Variants in FAM227A observed in about 807,000 individuals in gnomAD.
The protein encoded by FAM227A is family with sequence similarity 227 member A.
FAM227A carries 80 observed loss-of-function variants against 74.7 expected under a neutral mutation model. The ratio of observed to expected loss-of-function variants is 1.07; its 90% CI spans 0.89 to 1.29. FAM227A has a LOEUF of 1.29. FAM227A is among the 50% of genes most tolerant of loss of function. FAM227A has a pLI of 0.00. For synonymous variants in FAM227A, 237 were observed against 241.8 expected (o/e 0.98, Z 0.19); for missense variants, 654 against 683.4 (o/e 0.96, Z 0.48).
At chr22:38,600,707 C>T (rs978048087) in intron 13 of FAM227A, among the ~76,000 whole-genome samples, 2 of 151,804 alleles carry the variant, frequency 1.3e-5, no homozygotes, top group African/African-American at 4.8e-5. Context: ...CCTGTAATCC[C>T]AGCACTTTGG....
chr22:38,596,819 T>C (rs767715593), intron 15 of FAM227A, among the ~76,000 whole-genome samples: 136 of 151,812 alleles, frequency 9.0e-4, no homozygotes, highest in Non-Finnish European at 9.1e-4. Flanking sequence ...TGGGAAAAAA[T>C]AGGTCTAAAA....
intron 6 of FAM227A, among the ~76,000 whole-genome samples, chr22:38,634,683 C>T (rs2091970798): frequency 1.3e-5 from 2 of 152,102 alleles, no homozygotes; most frequent in South Asian, 4.1e-4. Context: ...CTGTAGGGAA[C>T]GTGATGCTCT....
chr22:38,623,252 T>C lies in FAM227A; in HGVS notation c.878A>G (p.Asp293Gly), dbSNP rs1290636892. 7.7e-6 allele frequency: 12 copies of C among 1,551,470 alleles called. No homozygotes were observed. Among genetic ancestry groups the C allele is most frequent in the East Asian group, 2.4e-5 (1 of 40,932 alleles). ...SGTYPSPQSYDSWDYSELDPE... is the reference protein window; with the variant it reads ...SGTYPSPQSYGSWDYSELDPE... The stretch of plus-strand genomic sequence containing the variant: ...GTCTAGTTCCGAGTAGTCCCAGCTG[T>C]CATAGCTCTGTGGGCTAGGATAGGT... The change falls in exon 10 of 17, where the codon GAC becomes GGC. Residue 293 changes from aspartate (D) to glycine (G), a missense_variant. Coordinates refer to ENST00000535113, the MANE Select transcript of FAM227A (RefSeq NM_001013647.2).
chr22:38,633,836 G>A (rs182119996), intron 6 of FAM227A, among the ~76,000 whole-genome samples: 29 of 152,110 alleles, frequency 1.9e-4, no homozygotes, highest in Non-Finnish European at 3.7e-4. Context: ...CACTGTGCCC[G>A]GCCTATCATC....
intron 2 of FAM227A, among the ~76,000 whole-genome samples, chr22:38,648,402 G>A (rs572112488): frequency 2.4e-4 from 37 of 151,590 alleles, no homozygotes; most frequent in Non-Finnish European, 4.7e-4. Flanking sequence ...GAGGTCAGGA[G>A]TTCGAGACCA....
At chr22:38,586,228 A>G (rs1036451796) in intron 16 of FAM227A, 29 bp from the exon 17 acceptor site, 1 of 1,547,368 alleles carries the variant, frequency 6.5e-7, no homozygotes, top group African/African-American at 1.4e-5. Context: ...AACAAAAACA[A>G]AAATTAATTT....
chr22:38,628,967 GTTGTTATCTTT>G, intron 6 of FAM227A, 32 bp from the exon 7 acceptor site: 1 of 1,236,316 alleles, frequency 8.1e-7, no homozygotes, highest in Non-Finnish European at 1.1e-6. Context: ...TATTATTATT[GTTGTTATCTTT>G]TTAAAAATCC....
At chr22:38,613,935 G>A (rs576719975) in intron 11 of FAM227A, among the ~76,000 whole-genome samples, 3 of 152,212 alleles carry the variant, frequency 2.0e-5, no homozygotes, top group South Asian at 4.1e-4. Flanking sequence ...GCAGGGGTGC[G>A]ATCTCAGCTC....
chr22:38,640,323 A>G (rs2092088413), intron 3 of FAM227A, among the ~76,000 whole-genome samples: 1 of 152,004 alleles, frequency 6.6e-6, no homozygotes, highest in African/African-American at 2.4e-5. Context: ...GTGAGCCACC[A>G]CGTCCAGCCT....
chr22:38,646,079 C>T (rs2145718894), intron 2 of FAM227A, among the ~76,000 whole-genome samples: 1 of 152,164 alleles, frequency 6.6e-6, no homozygotes, highest in East Asian at 1.9e-4. Flanking sequence ...GCCACCGCAC[C>T]TAGCCCATAT....
chr22:38,620,368 G>T, intron 10 of FAM227A, 77 bp from the exon 11 acceptor site: 1 of 1,184,872 alleles, frequency 8.4e-7, no homozygotes, highest in Non-Finnish European at 1.2e-6. Context: ...GCTTGAGACA[G>T]CCTCCTTTCT....
At chr22:38,616,852 G>A (rs1376018392) in intron 11 of FAM227A, among the ~76,000 whole-genome samples, 1 of 151,908 alleles carries the variant, frequency 6.6e-6, no homozygotes, top group African/African-American at 2.4e-5. Context: ...TGAGGGCCAA[G>A]GTTCAGAACA....
chr22:38,647,453 A>C (rs912961701), intron 2 of FAM227A, among the ~76,000 whole-genome samples: 1 of 152,062 alleles, frequency 6.6e-6, no homozygotes, highest in African/African-American at 2.4e-5. Context: ...GACAAAAAAA[A>C]ACAAAACAAC....
chr22:38,585,272 T>G lies in FAM227A; in HGVS notation c.*853A>C, dbSNP rs760936936. ...ATTTTAGATTAAATCAGACAACATG[T>G]GCATGCTTTACCTATAAAGTTTCTC... On this transcript the variant is annotated 3_prime_UTR_variant, in exon 17 of 17. Transcript: ENST00000535113. 1 of 152,172 alleles carries G rather than the reference T, an allele frequency of 6.6e-6. No homozygotes were observed. Among genetic ancestry groups the G allele is most frequent in the Non-Finnish European group, 1.5e-5 (1 of 68,040 alleles). The allele number at this position is 152,172 out of a possible 1,614,324, so 9.4% of individuals were successfully genotyped here.
chr22:38,644,256 T>C (rs1039235158), intron 3 of FAM227A, among the ~76,000 whole-genome samples: 1 of 151,270 alleles, frequency 6.6e-6, no homozygotes, highest in East Asian at 1.9e-4. Context: ...TATGGCATTA[T>C]GGGAAAGGTA....
intron 3 of FAM227A, among the ~76,000 whole-genome samples, chr22:38,642,770 T>C (rs1235781083): frequency 6.6e-6 from 1 of 151,732 alleles, no homozygotes; most frequent in East Asian, 1.9e-4. Context: ...ACCCTGTCTC[T>C]ACTAAAAATA....
Position 38,585,105 on chromosome 22 carries a change from T to A in FAM227A, c.*1020A>T, listed in dbSNP as rs2090778499. The stretch of plus-strand genomic sequence containing the variant: ...CCACCACGCCTGGCCTAATTTAAAA[T>A]TTTTTAATTAAAAAAATTAATTTAC... On this transcript the variant is annotated 3_prime_UTR_variant, in exon 17 of 17. Coordinates refer to ENST00000535113, the MANE Select transcript of FAM227A (RefSeq NM_001013647.2). The A allele has an allele frequency of 6.6e-6, 1 of 152,152 alleles. No individual in the cohort carries two copies. Among genetic ancestry groups the A allele is most frequent in the African/African-American group, 2.4e-5 (1 of 41,438 alleles). The allele number at this position is 152,152 out of a possible 1,614,324, so 9.4% of individuals were successfully genotyped here.
At chr22:38,624,869 G>A (rs761262403) in intron 9 of FAM227A, among the ~76,000 whole-genome samples, 11 of 151,402 alleles carry the variant, frequency 7.3e-5, no homozygotes, top group Non-Finnish European at 1.5e-4. Context: ...CTACATTACT[G>A]TAATAAATCA....
In FAM227A at chr22:38,579,381, T is replaced by A. The variant is rs1199056730; in HGVS notation, c.*6744A>T. On this transcript the variant is annotated 3_prime_UTR_variant, in exon 17 of 17. Coordinates refer to ENST00000535113, the MANE Select transcript of FAM227A (RefSeq NM_001013647.2). ...GGGGCAAGAGAAAGGGCAAAGAGAA[T>A]GCTAGGAGAATATTGTATAACAGAA... 6.6e-6 allele frequency: 1 copy of A among 152,192 alleles called. No individual in the cohort carries two copies. The highest frequency in any genetic ancestry group is 1.5e-5 in the Non-Finnish European group (1 of 68,040). 9.4% of individuals were successfully genotyped at this position (152,192 alleles called of 1,614,324 possible).
Sources: allele counts gnomAD v4.1 joint callset (sites outside exome capture counted in the v4.1 genomes callset), GRCh38; gene constraint gnomAD v4.1.1; transcripts MANE v1.5; gene names NCBI Gene and HGNC (gene_info 2026-07-23, HGNC 2026-07-21).